CSMD1: variants seen among roughly 807,000 people sequenced by gnomAD.
CSMD1 encodes the protein CUB and Sushi multiple domains 1, also known as CUB and sushi domain-containing protein 1.
Under a neutral mutation model 417.5 loss-of-function variants are expected in CSMD1, and 213 were observed. That is an observed-to-expected ratio of 0.51 (90% CI 0.46 to 0.57). The LOEUF (loss-of-function observed/expected upper bound fraction) is 0.57. CSMD1 is among the 20% of genes least tolerant of loss of function. The pLI is 0.00. For synonymous variants in CSMD1, 2,862 were observed against 1,736.8 expected (o/e 1.65, Z -16.11); for missense variants, 6,923 against 4,529.7 (o/e 1.53, Z -15.17).
At position 3,708,585 on chromosome 8, in the gene CSMD1, C is replaced by T. The variant is rs1469921317; in HGVS notation, c.932-94G>A. On this transcript the variant is annotated intron_variant, in intron 6 of 69. Transcript: ENST00000635120. ...CAGCACTTCCAGTCATAACTGCTTT[C>T]TATCAACCCCCGAAAATGGGAAATG... is the stretch of plus-strand genomic sequence containing the variant. 2.9e-5 allele frequency: 27 copies of T among 924,670 alleles called. No individual in the cohort carries two copies. The South Asian group carries it at 3.7e-4, about 13-fold the overall frequency. 57.3% of individuals were successfully genotyped at this position (924,670 alleles called of 1,614,324 possible).
intron 2 of CSMD1, among the ~76,000 whole-genome samples, chr8:4,480,893 G>T (rs1290854954): frequency 3.9e-5 from 6 of 152,070 alleles, no homozygotes; most frequent in African/African-American, 7.2e-5. Flanking sequence ...GATTCCTGGG[G>T]TACATCCCTA....
intron 1 of CSMD1, among the ~76,000 whole-genome samples, chr8:4,989,796 T>C (rs1312562259): frequency 6.6e-6 from 1 of 152,208 alleles, no homozygotes; most frequent in Non-Finnish European, 1.5e-5. Context: ...GTTTGCTGTA[T>C]CGTCTGCTTA....
At chr8:4,153,999 C>T (rs1796699986) in intron 3 of CSMD1, among the ~76,000 whole-genome samples, 1 of 152,174 alleles carries the variant, frequency 6.6e-6, no homozygotes, top group South Asian at 2.1e-4. Flanking sequence ...CCAATGATAG[C>T]TTTCCATCCT....
chr8:4,916,792 G>A (rs1054996814), intron 1 of CSMD1, among the ~76,000 whole-genome samples: 3 of 152,156 alleles, frequency 2.0e-5, no homozygotes, highest in East Asian at 1.9e-4. Flanking sequence ...GCTAACGTAG[G>A]CTTTACTATA....
intron 12 of CSMD1, among the ~76,000 whole-genome samples, chr8:3,449,934 G>C (rs914090959): frequency 2.0e-5 from 3 of 152,212 alleles, no homozygotes; most frequent in Admixed American, 6.5e-5. Context: ...TATTGCTCCA[G>C]TCTTAAGACT....
chr8:2,941,715 G>A (rs1236748266), intron 69 of CSMD1, among the ~76,000 whole-genome samples: 1 of 152,164 alleles, frequency 6.6e-6, no homozygotes, highest in East Asian at 1.9e-4. Flanking sequence ...ACTTTTTCAA[G>A]AGATGGAACA....
At chr8:3,849,031 T>G (rs184498875) in intron 5 of CSMD1, among the ~76,000 whole-genome samples, 5 of 152,036 alleles carry the variant, frequency 3.3e-5, no homozygotes, top group African/African-American at 1.2e-4. Flanking sequence ...TCATATAAAC[T>G]TAAACTTAGT....
chr8:4,106,191 G>C (rs1362945626), intron 3 of CSMD1, among the ~76,000 whole-genome samples: 1 of 152,172 alleles, frequency 6.6e-6, no homozygotes, highest in Admixed American at 6.5e-5. Context: ...TGGACACCCG[G>C]AGATCTATGA....
At chr8:3,346,263 A>C (rs1807986611) in intron 22 of CSMD1, among the ~76,000 whole-genome samples, 1 of 152,218 alleles carries the variant, frequency 6.6e-6, no homozygotes, top group Non-Finnish European at 1.5e-5. Flanking sequence ...TCACAAATGA[A>C]CATAATTTCC....
At chr8:3,065,589 G>A (rs1301866095) in intron 49 of CSMD1, among the ~76,000 whole-genome samples, 1 of 151,892 alleles carries the variant, frequency 6.6e-6, no homozygotes, top group Non-Finnish European at 1.5e-5. Flanking sequence ...TAGATACACA[G>A]ATCGATAGGA....
chr8:3,716,553 G>C (rs578012474), intron 6 of CSMD1, among the ~76,000 whole-genome samples: 38 of 152,232 alleles, frequency 2.5e-4, no homozygotes, highest in Middle Eastern at 3.4e-3. Flanking sequence ...AGTCACTCTC[G>C]TCCCCGTCTT....
chr8:3,571,162 G>T (rs1201638662), intron 10 of CSMD1, among the ~76,000 whole-genome samples: 1 of 152,248 alleles, frequency 6.6e-6, no homozygotes, highest in East Asian at 1.9e-4. Flanking sequence ...CTGACTATGA[G>T]AGAAAACCAA....
chr8:3,951,893 G>GA (rs916662939), intron 5 of CSMD1, among the ~76,000 whole-genome samples: 5 of 150,544 alleles, frequency 3.3e-5, no homozygotes, highest in African/African-American at 7.3e-5. Context: ...TATCCTGGAG[G>GA]AAAAAAAATC....
At chr8:4,544,385 T>G in intron 2 of CSMD1, among the ~76,000 whole-genome samples, 1 of 152,252 alleles carries the variant, frequency 6.6e-6, no homozygotes, top group East Asian at 1.9e-4. Context: ...TTAAAAAATC[T>G]ATTGTTACTT....
chr8:3,235,301 T>A (rs754402842), intron 26 of CSMD1, among the ~76,000 whole-genome samples: 2 of 152,220 alleles, frequency 1.3e-5, no homozygotes, highest in Non-Finnish European at 2.9e-5. Flanking sequence ...CTCATTCCCA[T>A]ATTTTTATTT....
intron 2 of CSMD1, among the ~76,000 whole-genome samples, chr8:4,584,907 C>G (rs1799623631): frequency 6.6e-6 from 1 of 152,054 alleles, no homozygotes; most frequent in Non-Finnish European, 1.5e-5. Flanking sequence ...TTAAGCAGCT[C>G]AAATTTAGAC....
intron 3 of CSMD1, among the ~76,000 whole-genome samples, chr8:4,237,876 G>A (rs982295740): frequency 3.9e-5 from 6 of 152,134 alleles, no homozygotes; most frequent in African/African-American, 1.4e-4. Flanking sequence ...AATGCCTTAT[G>A]TTCCTTAAAC....
intron 5 of CSMD1, among the ~76,000 whole-genome samples, chr8:3,960,271 C>T (rs183590422): frequency 6.6e-6 from 1 of 152,142 alleles, no homozygotes; most frequent in African/African-American, 2.4e-5. Flanking sequence ...ATCCTAAGTG[C>T]CATCTAATAA....
At chr8:3,191,700 G>A (rs1230499581) in intron 33 of CSMD1, among the ~76,000 whole-genome samples, 2 of 152,168 alleles carry the variant, frequency 1.3e-5, no homozygotes, top group Non-Finnish European at 2.9e-5. Context: ...AGATATTCCT[G>A]TTTATCAAAA....
Sources: allele counts gnomAD v4.1 joint callset (sites outside exome capture counted in the v4.1 genomes callset), GRCh38; gene constraint gnomAD v4.1.1; transcripts MANE v1.5; gene names NCBI Gene and HGNC (gene_info 2026-07-23, HGNC 2026-07-21).